Variants in PCM1 observed in about 807,000 individuals in gnomAD.
PCM1 encodes the protein pericentriolar material 1 protein.
Under a neutral mutation model 241.9 loss-of-function variants are expected in PCM1, and 157 were observed. The ratio of observed to expected loss-of-function variants is 0.65; its 90% CI spans 0.57 to 0.74. The LOEUF (loss-of-function observed/expected upper bound fraction) is 0.74. PCM1 is among the 30% of genes least tolerant of loss of function. The pLI is 0.00. For synonymous variants in PCM1, 1,085 were observed against 784.9 expected (o/e 1.38, Z -6.39); for missense variants, 3,478 against 2,360.1 (o/e 1.47, Z -9.81).
At chr8:18,018,993 C>A (rs556871587) in intron 36 of PCM1, among the ~76,000 whole-genome samples, 3 of 150,528 alleles carry the variant, frequency 2.0e-5, no homozygotes, top group Admixed American at 1.3e-4. Context: ...TCCAAGATTT[C>A]CTGCTATTCC....
In PCM1 at chr8:18,011,839, T is replaced by C. The variant is rs779669109; in HGVS notation, c.5511+12T>C. On this transcript the variant is annotated intron_variant, in intron 34 of 38. Coordinates refer to ENST00000325083, the MANE Select transcript of PCM1 (RefSeq NM_006197.4). Reference sequence around the variant, plus strand: ...AACATGATGAACAGGTATTCCCGTATTGACTGACACACTTCCATCAGCCTT... The same window carrying C: ...AACATGATGAACAGGTATTCCCGTACTGACTGACACACTTCCATCAGCCTT... 1 of 1,606,574 alleles carries C rather than the reference T, an allele frequency of 6.2e-7. No individual in the cohort carries two copies. Among genetic ancestry groups the C allele is most frequent in the South Asian group, 1.1e-5 (1 of 89,088 alleles).
At chr8:17,935,923 G>GT (rs761849844) in intron 3 of PCM1, among the ~76,000 whole-genome samples, 24 of 151,940 alleles carry the variant, frequency 1.6e-4, no homozygotes, top group Middle Eastern at 3.4e-3. Flanking sequence ...ATGTAAAAGT[G>GT]TTTTTTTTAT....
chr8:18,002,017 TTTTTTTTTTTTTTTTTTTG>T (rs2089679810), intron 29 of PCM1, among the ~76,000 whole-genome samples: 1 of 83,092 alleles, frequency 1.2e-5, no homozygotes, highest in Non-Finnish European at 2.1e-5. Context: ...TTTTTTTTTT[TTTTTTTTTTTTTTTTTTTG>T]TGGAGAGATC....
rs1300443580 is a variant in PCM1 at position 17,966,125 on chromosome 8, A to G, written c.2982A>G (p.Glu994=). Reference sequence around the variant, plus strand: ...GGGTGTCAGAGCTCTCTTACGTAGAAGAGAAAGAACAATGGCAAGAACAAA... The same window carrying G: ...GGGTGTCAGAGCTCTCTTACGTAGAGGAGAAAGAACAATGGCAAGAACAAA... ...LRWVSELSYV[E]EKEQWQEQIN... The change falls in exon 19 of 39, where the codon GAA becomes GAG. Residue 994 remains glutamate (E), a synonymous_variant. Transcript: ENST00000325083. 6.2e-7 allele frequency: 1 copy of G among 1,613,902 alleles called. No homozygotes were observed. Among genetic ancestry groups the G allele is most frequent in the East Asian group, 2.2e-5 (1 of 44,874 alleles).
intron 36 of PCM1, among the ~76,000 whole-genome samples, chr8:18,015,475 C>G (rs1412696032): frequency 6.6e-6 from 1 of 152,130 alleles, no homozygotes; most frequent in Non-Finnish European, 1.5e-5. Flanking sequence ...TAAGTAGCCC[C>G]CTAACATATG....
chr8:17,959,508 A>G (rs1362885678), intron 13 of PCM1, among the ~76,000 whole-genome samples: 2 of 152,060 alleles, frequency 1.3e-5, no homozygotes, highest in African/African-American at 2.4e-5. Flanking sequence ...GTTTTTTAAG[A>G]AGGATTTGGA....
chr8:17,987,417 A>C (rs1018762250), intron 26 of PCM1, among the ~76,000 whole-genome samples: 1 of 151,804 alleles, frequency 6.6e-6, no homozygotes, highest in African/African-American at 2.4e-5. Flanking sequence ...TACAGGCAGC[A>C]TTACTTCCAT....
rs906117760 is a variant in PCM1 at position 18,006,466 on chromosome 8, T to G, written c.4962+69T>G. ...GTAAGGTTTTTTTTCGGGGGGTGGG[T>G]GAGGCATTTTCTTGCATTACACAAT... is the stretch of plus-strand genomic sequence containing the variant. On this transcript the variant is annotated intron_variant, in intron 30 of 38. Coordinates refer to ENST00000325083, the MANE Select transcript of PCM1 (RefSeq NM_006197.4). 3.8e-6 allele frequency: 4 copies of G among 1,042,646 alleles called. No individual in the cohort carries two copies. In the African/African-American group the frequency reaches 6.3e-5, roughly 17 times the overall value. The allele number at this position is 1,042,646 out of a possible 1,614,324, so 64.6% of individuals were successfully genotyped here. A position where few individuals can be genotyped will look rare whatever the true frequency, so the allele number is the denominator to read the frequency against.
chr8:17,938,862 T>C lies in PCM1; in HGVS notation c.465T>C (p.Asp155=). The change falls in exon 5 of 39, where the codon GAT becomes GAC. Residue 155 remains aspartate, a synonymous_variant. Coordinates refer to ENST00000325083, the MANE Select transcript of PCM1 (RefSeq NM_006197.4). ...PMQINTNKSK[D]ASTNPPNRET... The stretch of plus-strand genomic sequence containing the variant: ...AGATTAATACTAACAAGAGCAAAGA[T>C]GCATCTACAAACCCCCCAAACAGAG... 1 of 1,613,750 alleles carries C rather than the reference T, an allele frequency of 6.2e-7. No individual in the cohort carries two copies. Among genetic ancestry groups the C allele is most frequent in the Non-Finnish European group, 8.5e-7 (1 of 1,179,646 alleles).
chr8:17,961,910 C>A, intron 15 of PCM1, 124 bp from the exon 16 acceptor site: 1 of 674,124 alleles, frequency 1.5e-6, no homozygotes, highest in Admixed American at 3.7e-5. Flanking sequence ...TGATGGAAGT[C>A]AGGGTCTGAT....
At chr8:18,009,440 T>A (rs1197766884) in intron 30 of PCM1, 107 bp from the exon 31 acceptor site, 19 of 700,908 alleles carry the variant, frequency 2.7e-5, no homozygotes. Flanking sequence ...CTATCTTTCC[T>A]TAGTAATCAT....
At chr8:17,932,283 C>G (rs1446046495) in intron 2 of PCM1, among the ~76,000 whole-genome samples, 2 of 152,022 alleles carry the variant, frequency 1.3e-5, no homozygotes, top group Non-Finnish European at 2.9e-5. Context: ...AGGTTGTTTT[C>G]TTAGATTGCA....
chr8:17,939,938 C>A, intron 6 of PCM1, 77 bp downstream of exon 6: 1 of 1,094,416 alleles, frequency 9.1e-7, no homozygotes, highest in Non-Finnish European at 1.3e-6. Context: ...ATTCTGATGC[C>A]ACCCCAGAGG....
intron 13 of PCM1, among the ~76,000 whole-genome samples, chr8:17,959,327 A>T (rs1465588505): frequency 2.8e-5 from 1 of 36,036 alleles, no homozygotes; most frequent in African/African-American, 1.3e-4. Context: ...CTGCATATAT[A>T]TATATACACA....
intron 6 of PCM1, among the ~76,000 whole-genome samples, chr8:17,945,368 A>G (rs1042698377): frequency 1.3e-5 from 2 of 152,130 alleles, no homozygotes; most frequent in Non-Finnish European, 2.9e-5. Flanking sequence ...AAGACAACAG[A>G]AAAACCTCTA....
At chr8:17,967,727 C>T (rs1015164527) in intron 21 of PCM1, among the ~76,000 whole-genome samples, 9 of 152,196 alleles carry the variant, frequency 5.9e-5, no homozygotes, top group African/African-American at 2.2e-4. Context: ...TCAATGGCTG[C>T]TGTATACTAG....
chr8:17,950,608 T>C lies in PCM1; in HGVS notation c.962-7T>C, dbSNP rs1339036802. 2 of 1,480,340 alleles carry C rather than the reference T, an allele frequency of 1.4e-6. No individual in the cohort carries two copies. The highest frequency in any genetic ancestry group is 1.9e-6 in the Non-Finnish European group (2 of 1,065,856). The allele number at this position is 1,480,340 out of a possible 1,614,324, so 91.7% of individuals were successfully genotyped here. A position where few individuals can be genotyped will look rare whatever the true frequency, so the allele number is the denominator to read the frequency against. ...ACATTAATCAGTAGTTACTAATTTCTTTCCAGTTGTTGCAGAAACTGCAGG... is the reference window on the plus strand; with the variant it reads ...ACATTAATCAGTAGTTACTAATTTCCTTCCAGTTGTTGCAGAAACTGCAGG... On this transcript the variant is annotated splice_region_variant and splice_polypyrimidine_tract_variant and intron_variant, in intron 7 of 38. Transcript: ENST00000325083.
At chr8:17,927,145 G>A (rs1235277790) in intron 2 of PCM1, 1 of 133,976 alleles carries the variant, frequency 7.5e-6, no homozygotes, top group Non-Finnish European at 1.6e-5. Flanking sequence ...TTTTTTTTTG[G>A]AGACAGAGTC....
At chr8:17,985,857 TAC>T in intron 25 of PCM1, 100 bp from the exon 26 acceptor site, 1 of 842,492 alleles carries the variant, frequency 1.2e-6, no homozygotes, top group Non-Finnish European at 1.8e-6. Flanking sequence ...GTAGAAACAG[TAC>T]ATTTTTCCTT....
Sources: allele counts gnomAD v4.1 joint callset (sites outside exome capture counted in the v4.1 genomes callset), GRCh38; gene constraint gnomAD v4.1.1; transcripts MANE v1.5; gene names NCBI Gene and HGNC (gene_info 2026-07-23, HGNC 2026-07-21).